ZIC4: variants seen among roughly 807,000 people sequenced by gnomAD.
ZIC4 encodes zinc finger protein ZIC 4.
ZIC4 carries 15 observed loss-of-function variants against 28.8 expected under a neutral mutation model. The observed-to-expected ratio is 0.52, with a 90% CI of 0.35 to 0.80. The LOEUF is 0.80. Ranked by LOEUF, ZIC4 falls within the 30% of genes least tolerant of loss-of-function variation. The pLI, the probability that ZIC4 is intolerant of heterozygous loss-of-function variation, is 0.01. For missense variants in ZIC4, 512 were observed against 467.1 expected (o/e 1.10, Z -0.89); for synonymous variants, 220 against 198.1 (o/e 1.11, Z -0.93).
At chr3:147,395,302 A>T (rs890698875) in intron 3 of ZIC4, among the ~76,000 whole-genome samples, 2 of 152,146 alleles carry the variant, frequency 1.3e-5, no homozygotes, top group African/African-American at 4.8e-5. Flanking sequence ...GTCTGTGCTA[A>T]AGCGAAAGTG....
chr3:147,394,399 ATTTAACCATT>A (rs964704255), intron 3 of ZIC4, among the ~76,000 whole-genome samples: 3 of 151,234 alleles, frequency 2.0e-5, no homozygotes, highest in Non-Finnish European at 4.4e-5. Context: ...TGTGCTAAGA[ATTTAACCATT>A]TTCTGCTTCA....
rs375093741 is a variant in ZIC4 at position 147,396,271 on chromosome 3, G to A, written c.269C>T (p.Ala90Val). 9 of 1,610,802 alleles carry A rather than the reference G, an allele frequency of 5.6e-6. No homozygotes were observed. In the African/African-American group the frequency reaches 1.2e-4, roughly 22 times the overall value. ...PGPAARSDAL[A>V]AAAALHGYGG... ...GTAGCCATGCAGGGCTGCGGCAGCT[G>A]CCAGGGCGTCGCTGCGGGCCGCAGG... Residue 90 changes from alanine (A) to valine (V), a missense_variant, in exon 3 of 5, where the codon GCA (alanine) becomes GTA (valine). Ala to Val is a moderately conservative substitution (Grantham distance 64, BLOSUM62 0). Coordinates refer to ENST00000383075, the MANE Select transcript of ZIC4 (RefSeq NM_032153.6). This position sits in a 1 kb window ranked among gnomAD's most constrained non-coding sequence, Gnocchi z 4.2.
At chr3:147,390,167 C>A (rs2086883466) in intron 4 of ZIC4, among the ~76,000 whole-genome samples, 2 of 152,184 alleles carry the variant, frequency 1.3e-5, no homozygotes, top group African/African-American at 2.4e-5. Flanking sequence ...GTGGAAGCGT[C>A]TAACCACCAC....
chr3:147,405,549 G>A (rs2087256974), intron 1 of ZIC4: 1 of 1,446,684 alleles, frequency 6.9e-7, no homozygotes, highest in Middle Eastern at 1.7e-4. Flanking sequence ...CTCCTCATTG[G>A]CCCCTAATTT....
At chr3:147,402,689 A>G in intron 2 of ZIC4, 39 bp downstream of exon 2, 1 of 1,530,766 alleles carries the variant, frequency 6.5e-7, no homozygotes, top group Non-Finnish European at 8.8e-7. Flanking sequence ...GAAGAAAAGA[A>G]ACCAGCAAAC....
intron 3 of ZIC4, among the ~76,000 whole-genome samples, chr3:147,394,143 ACTCT>A (rs2086988470): frequency 8.9e-6 from 1 of 112,680 alleles, no homozygotes; most frequent in South Asian, 3.0e-4. Flanking sequence ...TCTCTCTCTC[ACTCT>A]CTCTCTCTTC....
In ZIC4 at chr3:147,403,945, G is replaced by C. The variant is rs763583319; in HGVS notation, c.-15-1133C>G. On this transcript the variant is annotated intron_variant, in intron 1 of 4. Transcript: ENST00000383075. ...CTCTTTTCTAGGTCCAGGCCTAGGA[G>C]GCAGGGGGGTAGACTCACCTTTTCC... is the stretch of plus-strand genomic sequence containing the variant. 137 of 1,534,866 alleles carry C rather than the reference G, an allele frequency of 8.9e-5. No homozygotes were observed. The African/African-American group carries it at 1.7e-3, about 19-fold the overall frequency.
At chr3:147,389,129 C>T (rs1017489531) in intron 4 of ZIC4, 2 of 557,880 alleles carry the variant, frequency 3.6e-6, no homozygotes, top group African/African-American at 1.9e-5. Context: ...GTCAGGCAGC[C>T]TCTGGGCCCT....
At chr3:147,405,046 G>A (rs996480456) in intron 1 of ZIC4, among the ~76,000 whole-genome samples, 9 of 152,212 alleles carry the variant, frequency 5.9e-5, no homozygotes, top group Non-Finnish European at 7.3e-5. Flanking sequence ...TTACTCATCT[G>A]CACCCTGCAC....
chr3:147,399,566 T>G (rs550690702), intron 2 of ZIC4, among the ~76,000 whole-genome samples: 2 of 152,338 alleles, frequency 1.3e-5, no homozygotes, highest in African/African-American at 4.8e-5. Flanking sequence ...AATTAAAATT[T>G]TTTTTCTCTG....
chr3:147,391,867 G>A (rs912674901), intron 3 of ZIC4: 9 of 645,856 alleles, frequency 1.4e-5, no homozygotes, highest in Non-Finnish European at 1.5e-5. Flanking sequence ...GGTATTCTGA[G>A]CAATGATTCA....
At chr3:147,394,637 G>T (rs1282737712) in intron 3 of ZIC4, among the ~76,000 whole-genome samples, 2 of 152,168 alleles carry the variant, frequency 1.3e-5, no homozygotes, top group South Asian at 4.2e-4. Flanking sequence ...TCTGGTGAGG[G>T]GGTGAGATCC....
At chr3:147,402,230 T>C (rs1443208371) in intron 2 of ZIC4, among the ~76,000 whole-genome samples, 1 of 152,220 alleles carries the variant, frequency 6.6e-6, no homozygotes. Context: ...CACCACATTG[T>C]GGGAACCTCG....
intron 2 of ZIC4, among the ~76,000 whole-genome samples, chr3:147,398,381 C>T (rs1319755712): frequency 6.6e-6 from 1 of 152,130 alleles, no homozygotes; most frequent in African/African-American, 2.4e-5. Flanking sequence ...CTGAGAGGGC[C>T]TGCAGGCCCG....
At chr3:147,405,779 A>C (rs542544732) in intron 1 of ZIC4, 1 of 447,290 alleles carries the variant, frequency 2.2e-6, no homozygotes, top group African/African-American at 2.0e-5. Flanking sequence ...CTCAGGCGGC[A>C]TCTGCCGTCA....
chr3:147,402,462 G>A (rs914314130), intron 2 of ZIC4, among the ~76,000 whole-genome samples: 7 of 152,278 alleles, frequency 4.6e-5, no homozygotes, highest in East Asian at 1.9e-4. Context: ...TGAGAGAATC[G>A]TCAAATATTA....
At position 147,396,643 on chromosome 3, in the gene ZIC4, C is replaced by T; in HGVS notation, c.71-174G>A. ...CCGGTGGACAGAGCAAGGCCAAACA[C>T]CTCCGCCGCCATTGGGCCGAATTGC... On this transcript the variant is annotated intron_variant, in intron 2 of 4. Coordinates refer to ENST00000383075, the MANE Select transcript of ZIC4 (RefSeq NM_032153.6). The surrounding 1 kb of genome is among the most constrained non-coding windows in gnomAD (Gnocchi z 4.2). The T allele has an allele frequency of 1.3e-6, 1 of 755,638 alleles. No homozygotes were observed. The highest frequency in any genetic ancestry group is 3.0e-5 in the East Asian group (1 of 33,182). 46.8% of individuals were successfully genotyped at this position (755,638 alleles called of 1,614,324 possible). A position where few individuals can be genotyped will look rare whatever the true frequency, so the allele number is the denominator to read the frequency against.
chr3:147,399,753 C>T (rs564259601), intron 2 of ZIC4, among the ~76,000 whole-genome samples: 4 of 151,144 alleles, frequency 2.6e-5, no homozygotes, highest in Admixed American at 6.6e-5. Flanking sequence ...GCAACCTCTG[C>T]CTCCCTGGTT....
intron 2 of ZIC4, chr3:147,397,088 T>TC (rs1344986945): frequency 6.6e-6 from 1 of 151,922 alleles, no homozygotes; most frequent in Non-Finnish European, 1.5e-5. Context: ...GTTTTTTTTT[T>TC]CTTTCTTTCT....
Sources: allele counts gnomAD v4.1 joint callset (sites outside exome capture counted in the v4.1 genomes callset), GRCh38; gene constraint gnomAD v4.1.1; non-coding constraint Gnocchi (gnomAD v3.1); transcripts MANE v1.5; gene names NCBI Gene and HGNC (gene_info 2026-07-23, HGNC 2026-07-21).